GARRE1: variants seen among roughly 807,000 people sequenced by gnomAD.
GARRE1 encodes granule associated Rac and RHOG effector protein 1.
GARRE1 carries 49 observed loss-of-function variants against 103.2 expected under a neutral mutation model. The observed-to-expected ratio is 0.47, with a 90% CI of 0.38 to 0.60. The LOEUF (loss-of-function observed/expected upper bound fraction) is 0.60, where lower values mean the gene tolerates loss of function less well. GARRE1 is among the 20% of genes least tolerant of loss of function. The pLI, the probability that GARRE1 is intolerant of heterozygous loss-of-function variation, is 0.00. For synonymous variants in GARRE1, 505 were observed against 532.8 expected (o/e 0.95, Z 0.72); for missense variants, 1,199 against 1,370.5 (o/e 0.87, Z 1.98).
chr19:34,330,174 C>T lies in GARRE1; in HGVS notation c.1105-15C>T. The stretch of plus-strand genomic sequence containing the variant: ...TTTGTCTTGAGGTGTGAACTCTCTT[C>T]TTATCAATCTATAGCATACAATGTT... On this transcript the variant is annotated splice_polypyrimidine_tract_variant and intron_variant, in intron 6 of 13. Coordinates refer to ENST00000299505, the MANE Select transcript of GARRE1 (RefSeq NM_014686.5). The T allele has an allele frequency of 6.2e-7, 1 of 1,610,804 alleles. No individual in the cohort carries two copies. Among genetic ancestry groups the T allele is most frequent in the Non-Finnish European group, 8.5e-7 (1 of 1,177,372 alleles).
intron 1 of GARRE1, among the ~76,000 whole-genome samples, chr19:34,261,432 T>G (rs147778481): frequency 9.5e-4 from 144 of 152,138 alleles, no homozygotes; most frequent in African/African-American, 3.5e-3. Context: ...ATAGCCTAAA[T>G]AATTAATCCC....
At chr19:34,350,980 C>T (rs962746100) in intron 12 of GARRE1, among the ~76,000 whole-genome samples, 1 of 151,858 alleles carries the variant, frequency 6.6e-6, no homozygotes, top group African/African-American at 2.4e-5. Flanking sequence ...GGGCAGATCA[C>T]CTGAGGTCAG....
chr19:34,310,510 G>A (rs888167134), intron 2 of GARRE1, among the ~76,000 whole-genome samples: 15 of 152,218 alleles, frequency 9.9e-5, no homozygotes, highest in African/African-American at 3.6e-4. Flanking sequence ...ATCAGAAATA[G>A]CGTGATGTAG....
intron 1 of GARRE1, among the ~76,000 whole-genome samples, chr19:34,260,549 ACTTT>A (rs1368584342): frequency 6.6e-6 from 1 of 152,032 alleles, no homozygotes; most frequent in African/African-American, 2.4e-5. Context: ...TTATTATTAT[ACTTT>A]AAGTTTTAGG....
intron 6 of GARRE1, 68 bp from the exon 7 acceptor site, chr19:34,330,121 T>G: frequency 7.1e-7 from 1 of 1,399,832 alleles, no homozygotes; most frequent in East Asian, 2.3e-5. Context: ...ATAAATGCAT[T>G]TTTACAAATT....
At chr19:34,333,571 C>T (rs2074146902) in intron 7 of GARRE1, 133 bp from the exon 8 acceptor site, 2 of 612,362 alleles carry the variant, frequency 3.3e-6, no homozygotes, top group Admixed American at 2.9e-5. Flanking sequence ...GGGGCCCTGA[C>T]TGGCCTTGGC....
intron 1 of GARRE1, among the ~76,000 whole-genome samples, chr19:34,294,805 C>G (rs770489163): frequency 2.6e-4 from 39 of 152,078 alleles, no homozygotes; most frequent in Non-Finnish European, 4.7e-4. Context: ...GCCTGAGTAG[C>G]TGGGACTATG....
intron 3 of GARRE1, among the ~76,000 whole-genome samples, chr19:34,327,182 A>T (rs1415091364): frequency 6.9e-6 from 1 of 145,186 alleles, no homozygotes; most frequent in African/African-American, 2.7e-5. Context: ...AATAAAATAA[A>T]ATAATAAAAT....
At chr19:34,339,646 A>G (rs566891720) in intron 8 of GARRE1, among the ~76,000 whole-genome samples, 23 of 152,334 alleles carry the variant, frequency 1.5e-4, no homozygotes, top group Middle Eastern at 3.4e-3. Context: ...CCAAATATAT[A>G]TTCTGATATC....
At position 34,300,951 on chromosome 19, in the gene GARRE1, A is replaced by G. The variant is rs745469726; in HGVS notation, c.478A>G (p.Ser160Gly). 5.0e-6 allele frequency: 8 copies of G among 1,601,242 alleles called. No homozygotes were observed. Among genetic ancestry groups the G allele is most frequent in the Admixed American group, 1.7e-5 (1 of 60,000 alleles). Residue 160 changes from serine (S) to glycine (G), a missense_variant, in exon 2 of 14, where the codon AGT becomes GGT. Physicochemically the swap from Ser to Gly is moderately conservative, Grantham distance 56 (BLOSUM62 0). Coordinates refer to ENST00000299505, the MANE Select transcript of GARRE1 (RefSeq NM_014686.5). ...AANFTDQKEFSLQDIEVLGRC... is the reference protein window; with the variant it reads ...AANFTDQKEFGLQDIEVLGRC... ...AAATTTTACGGATCAGAAGGAATTCAGTCTCCAGGACATTGAGGTAGAGTA... is the reference window on the plus strand; with the variant it reads ...AAATTTTACGGATCAGAAGGAATTCGGTCTCCAGGACATTGAGGTAGAGTA...
chr19:34,282,039 A>T (rs1250674209), intron 1 of GARRE1, among the ~76,000 whole-genome samples: 1 of 151,896 alleles, frequency 6.6e-6, no homozygotes, highest in Non-Finnish European at 1.5e-5. Flanking sequence ...TATTCCCTAT[A>T]CCTTACTTCA....
In GARRE1 at chr19:34,307,817, T is replaced by A. The variant is rs868418543; in HGVS notation, c.495+6849T>A. Among the ~76,000 whole-genome samples, 699 of 102,688 alleles carry A rather than the reference T, an allele frequency of 6.8e-3. 25 individuals are homozygous for A. The highest frequency in any genetic ancestry group is 0.017 in the African/African-American group (474 of 28,252). The allele number at this position is 102,688 out of a possible 152,430, so 67.4% of individuals were successfully genotyped here. On this transcript the variant is annotated intron_variant, in intron 2 of 13. Transcript: ENST00000299505. ...TAAAAAAAAAATATATATATATATT[T>A]TTTTTTTTTTTTAGAGATTAGGCCT...
At chr19:34,285,869 G>A (rs1183744268) in intron 1 of GARRE1, among the ~76,000 whole-genome samples, 13 of 152,160 alleles carry the variant, frequency 8.5e-5, no homozygotes, top group Admixed American at 8.5e-4. Flanking sequence ...AGGAACACCA[G>A]ATCTGTTAAG....
chr19:34,328,021 C>G lies in GARRE1; in HGVS notation c.974C>G (p.Thr325Arg). The part of the protein sequence containing the change: ...GCCSEAEAQQ[T>R]GRRQTPPQPM... Reference sequence around the variant, plus strand: ...TGCAGCGAGGCGGAAGCCCAGCAGACGGGGCGGAGGCAGACACCCCCGCAG... The same window carrying G: ...TGCAGCGAGGCGGAAGCCCAGCAGAGGGGGCGGAGGCAGACACCCCCGCAG... Residue 325 changes from threonine (T) to arginine (R), a missense_variant, in exon 6 of 14, where the codon ACG (threonine) becomes AGG (arginine). Coordinates refer to ENST00000299505, the MANE Select transcript of GARRE1 (RefSeq NM_014686.5). 6.2e-7 allele frequency: 1 copy of G among 1,614,142 alleles called. No individual in the cohort carries two copies. The highest frequency in any genetic ancestry group is 8.5e-7 in the Non-Finnish European group (1 of 1,180,030).
Position 34,354,674 on chromosome 19 carries a change from C to G in GARRE1, c.*1719C>G, listed in dbSNP as rs400903. On this transcript the variant is annotated 3_prime_UTR_variant, in exon 14 of 14. Coordinates refer to ENST00000299505, the MANE Select transcript of GARRE1 (RefSeq NM_014686.5). ...GTGACAGAGTGAGATTCCGTCTCAA[C>G]AAGAAAAAAAAAAAAGAATATATAT... 1,324 of 149,874 alleles carry G rather than the reference C, an allele frequency of 8.8e-3. 13 individuals are homozygous for G. The highest frequency in any genetic ancestry group is 0.014 in the Middle Eastern group (4 of 286). The allele number at this position is 149,874 out of a possible 1,614,324, so 9.3% of individuals were successfully genotyped here.
rs149816663 is a variant in GARRE1 at position 34,342,571 on chromosome 19, T to C, written c.2521+116T>C. On this transcript the variant is annotated intron_variant, in intron 10 of 13. Coordinates refer to ENST00000299505, the MANE Select transcript of GARRE1 (RefSeq NM_014686.5). ...TGAAGGTGAAATCATTTAATCCCCCTTTACGACCCTTTCTCACTGTGGAGG... is the reference window on the plus strand; with the variant it reads ...TGAAGGTGAAATCATTTAATCCCCCCTTACGACCCTTTCTCACTGTGGAGG... 4,905 of 928,002 alleles carry C rather than the reference T, an allele frequency of 5.3e-3. 25 individuals carry two copies. Among genetic ancestry groups the C allele is most frequent in the Non-Finnish European group, 7.5e-3 (4,619 of 615,058 alleles). The allele number at this position is 928,002 out of a possible 1,614,324, so 57.5% of individuals were successfully genotyped here.
chr19:34,286,592 A>G (rs7259821), intron 1 of GARRE1, among the ~76,000 whole-genome samples: 14,307 of 141,524 alleles, frequency 0.1, 1,092 homozygotes, highest in African/African-American at 0.22. Flanking sequence ...GTGCAGTGGC[A>G]CCGGGATCAC....
In GARRE1 at chr19:34,327,419, A is replaced by C. The variant is rs1352932059; in HGVS notation, c.706-2A>C. 1 of 1,614,026 alleles carries C rather than the reference A, an allele frequency of 6.2e-7. No homozygotes were observed. The highest frequency in any genetic ancestry group is 1.1e-5 in the South Asian group (1 of 91,084). On this transcript the variant is annotated splice_acceptor_variant, in intron 3 of 13. Coordinates refer to ENST00000299505, the MANE Select transcript of GARRE1 (RefSeq NM_014686.5). LOFTEE classifies it high-confidence loss of function. ...ACCTACCAGTTACTATATATGTTAC[A>C]GGCGACATCTAGACTAAGAGAAAGA...
intron 1 of GARRE1, among the ~76,000 whole-genome samples, chr19:34,297,985 T>C (rs958386502): frequency 1.3e-5 from 2 of 152,168 alleles, no homozygotes; most frequent in South Asian, 4.1e-4. Context: ...AACACAATCA[T>C]AGAAATACAA....
Sources: gnomAD v4.1 joint callset for allele counts (sites outside exome capture counted in the v4.1 genomes callset) on GRCh38, gnomAD v4.1.1 for gene constraint, MANE v1.5 for transcripts, NCBI Gene and HGNC (gene_info 2026-07-23, HGNC 2026-07-21) for gene names.